RFTN1: variants seen among roughly 807,000 people sequenced by gnomAD.
RFTN1 encodes raftlin.
In RFTN1, 26 loss-of-function variants were observed where a neutral mutation model predicts 46.5. The ratio of observed to expected loss-of-function variants is 0.56; its 90% confidence interval spans 0.41 to 0.78. The LOEUF (loss-of-function observed/expected upper bound fraction) is 0.78. Ranked by LOEUF, RFTN1 falls within the 30% of genes least tolerant of loss-of-function variation. The pLI, the probability that RFTN1 is intolerant of heterozygous loss-of-function variation, is 0.00. For missense variants in RFTN1, 693 were observed against 718.7 expected (o/e 0.96, Z 0.41); for synonymous variants, 261 against 284.2 (o/e 0.92, Z 0.82).
At position 16,443,251 on chromosome 3, in the gene RFTN1, T is replaced by C. The variant is rs1379237605; in HGVS notation, c.146-9214A>G. ...CCAACACTTCTTATCTCTTGTATTT[T>C]TGATAGTAGCCATTCTAACAGGTGT... On this transcript the variant is annotated intron_variant, in intron 2 of 9. Coordinates refer to ENST00000334133, the MANE Select transcript of RFTN1 (RefSeq NM_015150.2). The surrounding 1 kb of genome is among the most constrained non-coding windows in gnomAD (Gnocchi z 5.5). Among the ~76,000 whole-genome samples, 1 of 152,236 alleles carries C rather than the reference T, an allele frequency of 6.6e-6. No homozygotes were observed. The highest frequency in any genetic ancestry group is 1.5e-5 in the Non-Finnish European group (1 of 68,038).
intron 2 of RFTN1, among the ~76,000 whole-genome samples, chr3:16,437,300 TA>T (rs1019743295): frequency 6.6e-6 from 1 of 152,170 alleles, no homozygotes; most frequent in Non-Finnish European, 1.5e-5. Context: ...AACCTAGTAG[TA>T]AATACCTTTG....
In RFTN1 at chr3:16,447,913, G is replaced by A. The variant is rs751267903; in HGVS notation, c.146-13876C>T. On this transcript the variant is annotated intron_variant, in intron 2 of 9. Coordinates refer to ENST00000334133, the MANE Select transcript of RFTN1 (RefSeq NM_015150.2). This position sits in a 1 kb window ranked among gnomAD's most constrained non-coding sequence, Gnocchi z 5.9. ...GCATGAGGATCTGATAGGCATTTGT[G>A]TGCTTATAAGGAATCTTTAGATTTT... is the stretch of plus-strand genomic sequence containing the variant. 2.0e-5 allele frequency among the ~76,000 whole-genome samples: 3 copies of A among 152,152 alleles called. No individual in the cohort carries two copies. Among genetic ancestry groups the A allele is most frequent in the Admixed American group, 6.5e-5 (1 of 15,280 alleles).
At chr3:16,360,438 TC>T (rs1400126403) in intron 6 of RFTN1, among the ~76,000 whole-genome samples, 1 of 152,232 alleles carries the variant, frequency 6.6e-6, no homozygotes, top group Non-Finnish European at 1.5e-5. Context: ...GAGCCACCGT[TC>T]CAGGCCTCAA....
At chr3:16,326,726 A>C (rs2069733134) in intron 8 of RFTN1, 47 bp downstream of exon 8, 1 of 1,406,350 alleles carries the variant, frequency 7.1e-7, no homozygotes, top group Non-Finnish European at 1.0e-6. Flanking sequence ...AGTGACTAGC[A>C]CAGAGTAAGT....
chr3:16,456,233 C>T (rs1418069739), intron 2 of RFTN1, among the ~76,000 whole-genome samples: 4 of 152,066 alleles, frequency 2.6e-5, no homozygotes, highest in East Asian at 3.9e-4. Flanking sequence ...AAATGGATTC[C>T]GGCACTCGAC....
intron 1 of RFTN1, among the ~76,000 whole-genome samples, chr3:16,497,322 T>C (rs1193533884): frequency 6.6e-6 from 1 of 152,254 alleles, no homozygotes; most frequent in Non-Finnish European, 1.5e-5. Context: ...ATCTACGTAC[T>C]GGGTCTCAAT....
chr3:16,454,944 G>A (rs2075879569), intron 2 of RFTN1: 1 of 207,206 alleles, frequency 4.8e-6, no homozygotes, highest in Admixed American at 6.5e-5. Context: ...AGCAAATACA[G>A]AACCAGTTAC....
In RFTN1 at chr3:16,480,998, G is replaced by GACACACACACAC. The variant is rs34945684; in HGVS notation, c.145+12715_145+12726dup. 9.6e-5 allele frequency among the ~76,000 whole-genome samples: 14 copies of GACACACACACAC among 145,884 alleles called. No homozygotes were observed. In the South Asian group the frequency reaches 2.5e-3, roughly 26 times the overall value. ...ATATGCACATGCACACACACACACA[G>GACACACACACAC]ACACACACACACACACACACACACA... On this transcript the variant is annotated intron_variant, in intron 2 of 9. Transcript: ENST00000334133. This position sits in a 1 kb window ranked among gnomAD's most constrained non-coding sequence, Gnocchi z 4.3.
At chr3:16,492,219 C>T (rs1426227762) in intron 2 of RFTN1, among the ~76,000 whole-genome samples, 1 of 152,152 alleles carries the variant, frequency 6.6e-6, no homozygotes, top group Non-Finnish European at 1.5e-5. Context: ...GGGGGATGCA[C>T]AGAATGTCCC....
rs747369668 is a variant in RFTN1 at position 16,433,928 on chromosome 3, G to A, written c.255C>T (p.Phe85=). 3.7e-6 allele frequency: 6 copies of A among 1,614,078 alleles called. No homozygotes were observed. The highest frequency in any genetic ancestry group is 4.5e-5 in the East Asian group (2 of 44,890). ...TCTCCCGCTCATGGGTGGGCTGCAC[G>A]AAGGGGTGCAGGGCCGCCAGCGAGA... ...QGFSLAALHP[F]VQPTHEREKT... is the part of the protein sequence containing the mutation. The change falls in exon 3 of 10, where the codon TTC becomes TTT. Residue 85 remains phenylalanine (F), a synonymous_variant. Transcript: ENST00000334133. This position sits in a 1 kb window ranked among gnomAD's most constrained non-coding sequence, Gnocchi z 4.4.
intron 3 of RFTN1, among the ~76,000 whole-genome samples, chr3:16,409,684 A>ATTT (rs386396025): frequency 0.42 from 50,720 of 122,164 alleles, 10,957 homozygotes; most frequent in East Asian, 0.51. Context: ...CACCCGGCTA[A>ATTT]TTTTTTTTTT....
intron 1 of RFTN1, among the ~76,000 whole-genome samples, chr3:16,503,525 T>G (rs1222209038): frequency 2.0e-5 from 3 of 152,136 alleles, no homozygotes. Flanking sequence ...GGGTTGAGCA[T>G]CAGTGCTCTA....
chr3:16,323,653 C>A (rs548501190), intron 8 of RFTN1, among the ~76,000 whole-genome samples, 196 bp from the exon 9 acceptor site: 115 of 152,310 alleles, frequency 7.6e-4, no homozygotes, highest in African/African-American at 2.8e-3. Flanking sequence ...AGATGCCCAA[C>A]AAAAGCTTTT....
At chr3:16,485,278 C>CA (rs1476145020) in intron 2 of RFTN1, among the ~76,000 whole-genome samples, 7 of 151,716 alleles carry the variant, frequency 4.6e-5, no homozygotes, top group Admixed American at 1.3e-4. Context: ...TACTCAGAAA[C>CA]AAAAAGGAAT....
Position 16,457,565 on chromosome 3 carries a change from AC to A in RFTN1, c.146-23529del, listed in dbSNP as rs1177879948. 6.6e-6 allele frequency among the ~76,000 whole-genome samples: 1 copy of A among 152,356 alleles called. No homozygotes were observed. Among genetic ancestry groups the A allele is most frequent in the Admixed American group, 6.5e-5 (1 of 15,302 alleles). The stretch of plus-strand genomic sequence containing the variant: ...TCAGAAATATAAGCATTACAAACTT[AC>A]CTCAAATACCACTTATTTAGTTCTG... On this transcript the variant is annotated intron_variant, in intron 2 of 9. Coordinates refer to ENST00000334133, the MANE Select transcript of RFTN1 (RefSeq NM_015150.2). The surrounding 1 kb of genome is among the most constrained non-coding windows in gnomAD (Gnocchi z 4.2).
rs1255848208 is a variant in RFTN1 at position 16,512,242 on chromosome 3, G to T, written c.-9+1200C>A. On this transcript the variant is annotated intron_variant, in intron 1 of 9. Transcript: ENST00000334133. The surrounding 1 kb of genome is among the most constrained non-coding windows in gnomAD (Gnocchi z 4.3). ...CCCAGAGGTCGCTCACATTACACCCGGCTTCCTTCCTGGCAAGGCCTTAAC... is the reference window on the plus strand; with the variant it reads ...CCCAGAGGTCGCTCACATTACACCCTGCTTCCTTCCTGGCAAGGCCTTAAC... Among the ~76,000 whole-genome samples the T allele has an allele frequency of 6.6e-6, 1 of 152,030 alleles. No homozygotes were observed. Among genetic ancestry groups the T allele is most frequent in the Non-Finnish European group, 1.5e-5 (1 of 68,006 alleles).
rs2072233023 is a variant in RFTN1 at position 16,353,579 on chromosome 3, T to A, written c.1146+4353A>T. On this transcript the variant is annotated intron_variant, in intron 7 of 9. Coordinates refer to ENST00000334133, the MANE Select transcript of RFTN1 (RefSeq NM_015150.2). The surrounding 1 kb of genome is among the most constrained non-coding windows in gnomAD (Gnocchi z 5.4). ...CTCAGAGCCACCGTTAAAGACTAAA[T>A]GTTTTCTATCCTCCCACAATGCGTA... is the stretch of plus-strand genomic sequence containing the variant. Among the ~76,000 whole-genome samples the A allele has an allele frequency of 1.3e-5, 2 of 152,202 alleles. No homozygotes were observed. The highest frequency in any genetic ancestry group is 1.3e-4 in the Admixed American group (2 of 15,280).
At chr3:16,360,283 C>A (rs2072748533) in intron 6 of RFTN1, among the ~76,000 whole-genome samples, 1 of 152,014 alleles carries the variant, frequency 6.6e-6, no homozygotes, top group African/African-American at 2.4e-5. Context: ...GTGATCCTCC[C>A]ACCACAGCCT....
Position 16,433,185 on chromosome 3 carries a change from T to TTA in RFTN1, c.332+665_332+666insTA, listed in dbSNP as rs3054563. Among the ~76,000 whole-genome samples, 5,581 of 150,232 alleles carry TTA rather than the reference T, an allele frequency of 0.037. 174 individuals are homozygous for TTA. The highest frequency in any genetic ancestry group is 0.079 in the African/African-American group (3,235 of 40,908). On this transcript the variant is annotated intron_variant, in intron 3 of 9. Coordinates refer to ENST00000334133, the MANE Select transcript of RFTN1 (RefSeq NM_015150.2). The surrounding 1 kb of genome is among the most constrained non-coding windows in gnomAD (Gnocchi z 4.4). ...TCCCATCCTCACTGTTTTTTTTTTT[T>TTA]AAAAAAATTAATATTGTTCCTTTTG... is the stretch of plus-strand genomic sequence containing the variant.
Sources: gnomAD v4.1 joint callset for allele counts (sites outside exome capture counted in the v4.1 genomes callset) on GRCh38, gnomAD v4.1.1 for gene constraint, Gnocchi (gnomAD v3.1) non-coding constraint, MANE v1.5 for transcripts, NCBI Gene and HGNC (gene_info 2026-07-23, HGNC 2026-07-21) for gene names.